RNF125: variants seen among roughly 807,000 people sequenced by gnomAD.
RNF125 encodes the protein E3 ubiquitin-protein ligase RNF125.
Under a neutral mutation model 26.0 loss-of-function variants are expected in RNF125, and 21 were observed. That is an observed-to-expected ratio of 0.81 (90% CI 0.57 to 1.16). The LOEUF (loss-of-function observed/expected upper bound fraction) is 1.16, where lower values mean the gene tolerates loss of function less well. RNF125 is among the 50% of genes most tolerant of loss of function. The pLI, the probability that RNF125 is intolerant of heterozygous loss-of-function variation, is 0.00. For missense variants in RNF125, 270 were observed against 299.4 expected (o/e 0.90, Z 0.72); for synonymous variants, 95 against 109.2 (o/e 0.87, Z 0.81).
chr18:32,030,184 C>G (rs1254357959), intron 1 of RNF125, among the ~76,000 whole-genome samples: 1 of 152,134 alleles, frequency 6.6e-6, no homozygotes, highest in African/African-American at 2.4e-5. Context: ...GCTGGGACTA[C>G]TGGCGCATGC....
chr18:32,026,210 G>A (rs1290977435), intron 1 of RNF125, among the ~76,000 whole-genome samples: 10 of 143,530 alleles, frequency 7.0e-5, no homozygotes, highest in Non-Finnish European at 6.0e-5. Context: ...AAATATGCAA[G>A]CAGCAAACAT....
At chr18:32,080,060 G>A in the RNF125 span, among the ~76,000 whole-genome samples, 2 of 152,062 alleles carry the variant, frequency 1.3e-5, no homozygotes, top group African/African-American at 4.8e-5. Context: ...ATGGAGTCCC[G>A]CTCTGTCGCC....
At chr18:32,054,086 C>CTTTTTTTT (rs35616121) in intron 4 of RNF125, among the ~76,000 whole-genome samples, 25 of 88,360 alleles carry the variant, frequency 2.8e-4, no homozygotes, top group African/African-American at 4.2e-4. Context: ...GACATTTGTA[C>CTTTTTTTT]TTTTTTTTTT....
At chr18:32,075,152 A>G (rs1212024349), downstream of RNF125, among the ~76,000 whole-genome samples, 2 of 152,076 alleles carry the variant, frequency 1.3e-5, no homozygotes. Flanking sequence ...ATGTATGCCA[A>G]CCTGCCCATT....
chr18:32,034,730 T>C (rs2039135148), intron 1 of RNF125, among the ~76,000 whole-genome samples: 1 of 151,578 alleles, frequency 6.6e-6, no homozygotes, highest in Admixed American at 6.6e-5. Context: ...CTGGCCAACA[T>C]GGCGAAACAC....
chr18:32,037,354 T>C, intron 2 of RNF125, 85 bp downstream of exon 2: 1 of 570,830 alleles, frequency 1.8e-6, no homozygotes. Flanking sequence ...TCTGACCCCA[T>C]GGTACGCACC....
rs201216500 is a variant in RNF125 at position 32,037,124 on chromosome 18, G to A, written c.173G>A (p.Arg58His). The A allele has an allele frequency of 5.4e-5, 86 of 1,602,280 alleles. No homozygotes were observed. Among genetic ancestry groups the A allele is most frequent in the South Asian group, 1.9e-4 (17 of 89,084 alleles). The change falls in exon 2 of 6, where the codon CGT becomes CAT. Residue 58 changes from arginine (R) to histidine (H), a missense_variant. Physicochemically the swap from Arg to His is conservative, Grantham distance 29 (BLOSUM62 0). Transcript: ENST00000217740. ...VRTRCGHVFCRSCIATSLKNN... is the reference protein window; with the variant it reads ...VRTRCGHVFCHSCIATSLKNN... ...TGGTCTGTTTGGGGTAGATTCTGCC[G>A]TTCCTGTATTGCTACCAGTCTAAAG...
Position 32,068,557 on chromosome 18 carries a change from T to A in RNF125, c.*173T>A. On this transcript the variant is annotated 3_prime_UTR_variant, in exon 6 of 6. Transcript: ENST00000217740. ...TAAAAACTGCTTTAATTTTAATGGT[T>A]TAAATCTGTTTTACATCCTTGAGAT... is the stretch of plus-strand genomic sequence containing the variant. 1 of 511,958 alleles carries A rather than the reference T, an allele frequency of 2.0e-6. No homozygotes were observed. 31.7% of individuals were successfully genotyped at this position (511,958 alleles called of 1,614,324 possible). A position where few individuals can be genotyped will look rare whatever the true frequency, so the allele number is the denominator to read the frequency against.
chr18:32,064,474 C>T (rs2039466430), intron 4 of RNF125, among the ~76,000 whole-genome samples: 1 of 137,276 alleles, frequency 7.3e-6, no homozygotes, highest in Admixed American at 8.2e-5. Flanking sequence ...GGTGCTGCCA[C>T]CATACCTGGC....
the RNF125 span, among the ~76,000 whole-genome samples, chr18:32,084,798 A>G: frequency 6.6e-6 from 1 of 152,212 alleles, no homozygotes; most frequent in African/African-American, 2.4e-5. Flanking sequence ...TCATATGAAC[A>G]TTGTTAAAAA....
At chr18:32,085,373 CAGAGAGAGAGAGAGAGAGAGAGAGAGAG>C in the RNF125 span, among the ~76,000 whole-genome samples, 1 of 128,724 alleles carries the variant, frequency 7.8e-6, no homozygotes, top group Non-Finnish European at 1.6e-5. Context: ...CTGCCAGAAG[CAGAGAGAGAGAGAGAGAGAGAGAGAGAG>C]AGAGAGAGAG....
intron 1 of RNF125, among the ~76,000 whole-genome samples, chr18:32,020,277 A>C (rs1269268181): frequency 1.3e-5 from 2 of 151,610 alleles, no homozygotes; most frequent in Non-Finnish European, 2.9e-5. Context: ...TGAACTCCTG[A>C]CCTCAATTGA....
At chr18:32,025,611 C>A (rs1019018661) in intron 1 of RNF125, among the ~76,000 whole-genome samples, 1 of 146,546 alleles carries the variant, frequency 6.8e-6, no homozygotes, top group African/African-American at 2.6e-5. Context: ...GTTGCAATAG[C>A]CGAGATGGCG....
intron 1 of RNF125, among the ~76,000 whole-genome samples, chr18:32,021,597 A>AT (rs1568190686): frequency 6.6e-6 from 1 of 152,204 alleles, no homozygotes; most frequent in Non-Finnish European, 1.5e-5. Flanking sequence ...ATCTCCATTT[A>AT]AATTGAGTCA....
intron 3 of RNF125, among the ~76,000 whole-genome samples, chr18:32,045,313 C>G (rs1027125206): frequency 6.6e-6 from 1 of 151,948 alleles, no homozygotes; most frequent in African/African-American, 2.4e-5. Context: ...AATCCCAGCA[C>G]TTTGGGAGGC....
chr18:32,020,327 T>G (rs1332980612), intron 1 of RNF125, among the ~76,000 whole-genome samples: 1 of 151,678 alleles, frequency 6.6e-6, no homozygotes, highest in Non-Finnish European at 1.5e-5. Context: ...GGATTAAAGG[T>G]GTGAGCCACT....
downstream of RNF125, chr18:32,076,091 C>T (rs145595972): frequency 9.6e-4 from 645 of 673,108 alleles, 2 homozygotes; most frequent in African/African-American, 5.1e-3. Flanking sequence ...GTGAGGTTCA[C>T]AATCTTCCCA....
chr18:32,052,060 G>A (rs573784215), intron 4 of RNF125, among the ~76,000 whole-genome samples: 2 of 152,264 alleles, frequency 1.3e-5, no homozygotes, highest in Admixed American at 6.5e-5. Context: ...GGTTTGAAGT[G>A]TAAACTGTGA....
chr18:32,079,041 A>G, the RNF125 span, among the ~76,000 whole-genome samples: 1 of 152,208 alleles, frequency 6.6e-6, no homozygotes, highest in Non-Finnish European at 1.5e-5. Flanking sequence ...TCTGAGATCC[A>G]TGAGATGGGG....
Sources: gnomAD v4.1 joint callset for allele counts (sites outside exome capture counted in the v4.1 genomes callset) on GRCh38, gnomAD v4.1.1 for gene constraint, MANE v1.5 for transcripts, NCBI Gene and HGNC (gene_info 2026-07-23, HGNC 2026-07-21) for gene names.